The following ARHGAP10 variants were observed in gnomAD, a reference collection of about 807,000 sequenced individuals.
ARHGAP10 encodes rho GTPase-activating protein 10.
In ARHGAP10, 87 loss-of-function variants were observed where a neutral mutation model predicts 108.6. The observed-to-expected ratio is 0.80, with a 90% CI of 0.67 to 0.96. The LOEUF (loss-of-function observed/expected upper bound fraction) is 0.96, where lower values mean the gene tolerates loss of function less well. Among genes scored for constraint, ARHGAP10 ranks in the 40% least tolerant of loss-of-function variants. ARHGAP10 has a pLI of 0.00. For missense variants in ARHGAP10, 939 were observed against 954.5 expected, an observed-to-expected ratio of 0.98 and a Z score of 0.21; for synonymous variants, 347 against 341.1, an observed-to-expected ratio of 1.02 and a Z score of -0.19.
intron 20 of ARHGAP10, among the ~76,000 whole-genome samples, chr4:148,054,888 A>G (rs1729295684): frequency 6.6e-6 from 1 of 152,222 alleles, no homozygotes; most frequent in Non-Finnish European, 1.5e-5. Context: ...GTCCCTTTAG[A>G]GCTGTGCTTG....
At chr4:148,029,999 C>G (rs939737551) in intron 19 of ARHGAP10, among the ~76,000 whole-genome samples, 4 of 151,426 alleles carry the variant, frequency 2.6e-5, no homozygotes, top group Non-Finnish European at 5.9e-5. Flanking sequence ...CAGCATCCCC[C>G]CCCCCACCAA....
chr4:148,010,205 CAT>C lies in ARHGAP10; in HGVS notation c.1717-13057_1717-13056del, dbSNP rs1046870096. Among the ~76,000 whole-genome samples the C allele has an allele frequency of 2.0e-5, 3 of 152,210 alleles. No homozygotes were observed. The South Asian group carries it at 6.2e-4, about 32-fold the overall frequency. On this transcript the variant is annotated intron_variant, in intron 18 of 22. Coordinates refer to ENST00000336498, the MANE Select transcript of ARHGAP10 (RefSeq NM_024605.4). ...TTAAATGGTATACCTGTGTTAATAA[CAT>C]GATGTTGGAGATTCCAGATATCTCT... is the stretch of plus-strand genomic sequence containing the variant.
At chr4:147,934,160 A>G (rs564556203) in intron 13 of ARHGAP10, among the ~76,000 whole-genome samples, 52 of 152,364 alleles carry the variant, frequency 3.4e-4, no homozygotes, top group African/African-American at 1.1e-3. Context: ...ACCAGTGTGC[A>G]AGATTCCTTT....
chr4:147,960,368 C>T (rs533169013), intron 16 of ARHGAP10, among the ~76,000 whole-genome samples: 9 of 152,120 alleles, frequency 5.9e-5, no homozygotes, highest in African/African-American at 2.2e-4. Context: ...TTCTCATTCT[C>T]AAATACTATT....
At chr4:147,874,866 G>T (rs1171059390) in intron 7 of ARHGAP10, among the ~76,000 whole-genome samples, 155 bp from the exon 8 acceptor site, 2 of 152,006 alleles carry the variant, frequency 1.3e-5, no homozygotes, top group Non-Finnish European at 2.9e-5. Flanking sequence ...AATCTCAGGA[G>T]GCACACTGGA....
In ARHGAP10 at chr4:148,046,915, G is replaced by T. The variant is rs1208908765; in HGVS notation, c.1891G>T (p.Glu631Ter). 1 of 1,613,860 alleles carries T rather than the reference G, an allele frequency of 6.2e-7. No individual in the cohort carries two copies. Among genetic ancestry groups the T allele is most frequent in the Admixed American group, 1.7e-5 (1 of 60,004 alleles). ...EDGDNPYPSK[E>*]DTPTSSLDSL... ...AGGTGACAATCCTTACCCTTCCAAG[G>T]AGGACACCCCTACCAGCAGTCTGGA... Residue 631 changes from glutamate to a stop codon, truncating the protein, a stop_gained, in exon 20 of 23, where the codon GAG becomes TAG. Transcript: ENST00000336498. LOFTEE classifies it high-confidence loss of function.
intron 3 of ARHGAP10, among the ~76,000 whole-genome samples, chr4:147,841,734 T>C: frequency 6.6e-6 from 1 of 152,218 alleles, no homozygotes; most frequent in Non-Finnish European, 1.5e-5. Flanking sequence ...ATATAATTTT[T>C]AGGTTCAGTT....
intron 3 of ARHGAP10, among the ~76,000 whole-genome samples, chr4:147,825,338 T>C (rs1579086949): frequency 6.6e-6 from 1 of 151,978 alleles, no homozygotes; most frequent in South Asian, 2.1e-4. Flanking sequence ...TCCCAGCTAC[T>C]TGGGAGGCTG....
chr4:147,995,796 G>A (rs10029825), intron 18 of ARHGAP10, among the ~76,000 whole-genome samples: 21,477 of 151,732 alleles, frequency 0.14, 2,414 homozygotes, highest in African/African-American at 0.31. Context: ...TGCTCACTGC[G>A]AGCTTCGCCT....
chr4:147,744,761 G>A (rs577491445), intron 1 of ARHGAP10, among the ~76,000 whole-genome samples: 63 of 152,256 alleles, frequency 4.1e-4, no homozygotes, highest in South Asian at 6.2e-4. Flanking sequence ...TTTGGATGTG[G>A]AGGGCAAGGT....
rs547620582 is a variant in ARHGAP10, at chr4:147,858,737, G to A, written c.486+1083G>A. Among the ~76,000 whole-genome samples, 70 of 152,152 alleles carry A rather than the reference G, an allele frequency of 4.6e-4. 1 individual carries two copies. The highest frequency in any genetic ancestry group is 1.5e-3 in the African/African-American group (64 of 41,504). On this transcript the variant is annotated intron_variant, in intron 5 of 22. Coordinates refer to ENST00000336498, the MANE Select transcript of ARHGAP10 (RefSeq NM_024605.4). ...GAGATGACAGCTGCAGCTTTTACAG[G>A]CCCCCTTTATGCTAGCAGTTCTCTA...
intron 18 of ARHGAP10, among the ~76,000 whole-genome samples, chr4:148,010,762 A>T (rs976642330): frequency 6.6e-6 from 1 of 152,182 alleles, no homozygotes; most frequent in African/African-American, 2.4e-5. Context: ...ATTGAAGACT[A>T]TTGGGCTGAA....
intron 5 of ARHGAP10, chr4:147,858,504 A>G (rs1734186809): frequency 6.6e-6 from 1 of 152,170 alleles, no homozygotes; most frequent in Non-Finnish European, 1.5e-5. Flanking sequence ...CTGTGTGTGT[A>G]TGGTTTGTTT....
At position 147,734,772 on chromosome 4, in the gene ARHGAP10, CT is replaced by C. The variant is rs561959053; in HGVS notation, c.154+2318del. On this transcript the variant is annotated intron_variant, in intron 1 of 22. Transcript: ENST00000336498. ...TGATGAGGTTATTTGAAACTGCAGT[CT>C]AGGTAAATGGTTCATCTAACCAGTT... Among the ~76,000 whole-genome samples the C allele has an allele frequency of 6.7e-4, 102 of 152,250 alleles. 1 individual carries two copies. The Middle Eastern group carries it at 0.01, about 15-fold the overall frequency.
intron 19 of ARHGAP10, among the ~76,000 whole-genome samples, chr4:148,032,850 G>C (rs1416909142): frequency 6.6e-6 from 1 of 152,096 alleles, no homozygotes; most frequent in Non-Finnish European, 1.5e-5. Context: ...CATGTTCGAG[G>C]GCAGGAAACA....
intron 7 of ARHGAP10, among the ~76,000 whole-genome samples, chr4:147,871,067 C>T: frequency 6.6e-6 from 1 of 151,912 alleles, no homozygotes; most frequent in East Asian, 1.9e-4. Flanking sequence ...TCACGCCATT[C>T]TCCTGCCTCA....
intron 14 of ARHGAP10, among the ~76,000 whole-genome samples, chr4:147,944,141 A>G (rs1197656390): frequency 6.6e-6 from 1 of 152,202 alleles, no homozygotes; most frequent in East Asian, 1.9e-4. Flanking sequence ...GAGAGAGAGA[A>G]TATTCAGTTA....
At chr4:147,981,431 T>C (rs544984313) in intron 18 of ARHGAP10, among the ~76,000 whole-genome samples, 1 of 152,336 alleles carries the variant, frequency 6.6e-6, no homozygotes, top group South Asian at 2.1e-4. Flanking sequence ...ATGCTTGGTA[T>C]GATTTCAGTT....
At chr4:148,006,638 CTATTGACTTCCAGAAGAGAGTACTTTT>C (rs1740963094) in intron 18 of ARHGAP10, among the ~76,000 whole-genome samples, 1 of 152,114 alleles carries the variant, frequency 6.6e-6, no homozygotes, top group Non-Finnish European at 1.5e-5. Context: ...GACTTACTTC[CTATTGACTTCCAGAAGAGAGTACTTTT>C]AAGGGGAAAA....
Sources: allele counts gnomAD v4.1 joint callset (sites outside exome capture counted in the v4.1 genomes callset), GRCh38; gene constraint gnomAD v4.1.1; transcripts MANE v1.5; gene names NCBI Gene and HGNC (gene_info 2026-07-23, HGNC 2026-07-21).